Variants in PDE8B observed in about 807,000 individuals in gnomAD.
PDE8B encodes the protein phosphodiesterase 8B.
PDE8B carries 26 observed loss-of-function variants against 101.3 expected under a neutral mutation model. The ratio of observed to expected loss-of-function variants is 0.26; its 90% CI spans 0.19 to 0.36. The LOEUF is 0.36. PDE8B is among the 10% of genes least tolerant of loss of function. The probability of loss-of-function intolerance (pLI) is 1.00; values close to 1 mark genes in which losing one functional copy is unlikely to be tolerated. For synonymous variants in PDE8B, 424 were observed against 429.3 expected (o/e 0.99, Z 0.15); for missense variants, 810 against 1,163.1 (o/e 0.70, Z 4.42).
intron 1 of PDE8B, among the ~76,000 whole-genome samples, chr5:77,284,274 T>C (rs1471005862): frequency 6.6e-6 from 1 of 152,242 alleles, no homozygotes; most frequent in Non-Finnish European, 1.5e-5. Flanking sequence ...GTCTGTGATG[T>C]CTTCCCATTC....
the PDE8B span, chr5:77,151,507 G>A: frequency 6.6e-6 from 1 of 152,376 alleles, no homozygotes; most frequent in South Asian, 2.1e-4. Context: ...TATAAAAAGA[G>A]GTTCTTGGGA....
the PDE8B span, among the ~76,000 whole-genome samples, chr5:77,178,724 C>T: frequency 1.3e-5 from 2 of 152,158 alleles, no homozygotes; most frequent in Non-Finnish European, 2.9e-5. Flanking sequence ...TAAGATTACT[C>T]TGAAAGCGGC....
intron 9 of PDE8B, among the ~76,000 whole-genome samples, chr5:77,352,959 A>G (rs1781435975): frequency 6.6e-6 from 1 of 152,232 alleles, no homozygotes; most frequent in Admixed American, 6.5e-5. Context: ...CAGCCATGAA[A>G]TGTGGTCATT....
intron 6 of PDE8B, among the ~76,000 whole-genome samples, chr5:77,341,225 C>T (rs1779157992): frequency 6.6e-6 from 1 of 152,042 alleles, no homozygotes; most frequent in African/African-American, 2.4e-5. Context: ...AGGTTGAGAG[C>T]CTGAATAAAC....
chr5:77,127,134 G>T, the PDE8B span, among the ~76,000 whole-genome samples: 1 of 152,080 alleles, frequency 6.6e-6, no homozygotes, highest in Non-Finnish European at 1.5e-5. Context: ...GCTTATCCAG[G>T]TTCCTGCCTG....
Position 77,407,409 on chromosome 5 carries a change from G to C in PDE8B, c.1317G>C (p.Pro439=), listed in dbSNP as rs754763694. The C allele has an allele frequency of 1.2e-6, 2 of 1,613,936 alleles. No homozygotes were observed. Among genetic ancestry groups the C allele is most frequent in the Non-Finnish European group, 1.7e-6 (2 of 1,179,984 alleles). ...CAAGCCTGCAGAATCGTCGCTATCC[G>C]TCCATGGCGAGGATCCACTCCATGA... The part of the protein sequence containing the change: ...DAPSLQNRRY[P]SMARIHSMTI... Residue 439 remains proline (P), a synonymous_variant, in exon 13 of 22, where the codon CCG becomes CCC. Coordinates refer to ENST00000264917, the MANE Select transcript of PDE8B (RefSeq NM_003719.5).
chr5:77,295,670 T>C (rs138008569), intron 1 of PDE8B, among the ~76,000 whole-genome samples: 1 of 152,332 alleles, frequency 6.6e-6, no homozygotes, highest in East Asian at 1.9e-4. Context: ...TTTGTTTCCA[T>C]TGAGATTCTT....
At chr5:77,240,203 G>A (rs1279382348) in intron 1 of PDE8B, among the ~76,000 whole-genome samples, 1 of 152,158 alleles carries the variant, frequency 6.6e-6, no homozygotes, top group Non-Finnish European at 1.5e-5. Context: ...GCCCAGGCTG[G>A]AGTGCGGTGG....
chr5:77,361,333 A>G (rs546125535), intron 10 of PDE8B, among the ~76,000 whole-genome samples: 1 of 152,328 alleles, frequency 6.6e-6, no homozygotes, highest in Non-Finnish European at 1.5e-5. Flanking sequence ...AATGTTAATA[A>G]TACAAGATAA....
intron 10 of PDE8B, among the ~76,000 whole-genome samples, chr5:77,380,370 G>A (rs936503023): frequency 4.6e-5 from 7 of 152,166 alleles, no homozygotes; most frequent in Admixed American, 4.6e-4. Flanking sequence ...GAAGCTCAAG[G>A]AACCAAGTTA....
intron 10 of PDE8B, among the ~76,000 whole-genome samples, chr5:77,392,086 C>T (rs1271528027): frequency 6.6e-6 from 1 of 152,100 alleles, no homozygotes; most frequent in East Asian, 1.9e-4. Flanking sequence ...CACATTTTGA[C>T]AAGGATATCA....
At chr5:77,101,875 G>C in the PDE8B span, among the ~76,000 whole-genome samples, 1 of 152,266 alleles carries the variant, frequency 6.6e-6, no homozygotes, top group East Asian at 1.9e-4. Flanking sequence ...GTGGGGGAGA[G>C]ATGGGGAGTC....
At chr5:77,228,579 C>G (rs1463429885) in intron 1 of PDE8B, among the ~76,000 whole-genome samples, 2 of 152,026 alleles carry the variant, frequency 1.3e-5, no homozygotes, top group South Asian at 4.2e-4. Flanking sequence ...AGATTCCAAG[C>G]AGAGAGACTA....
At chr5:77,315,858 G>T (rs1339620235) in intron 2 of PDE8B, among the ~76,000 whole-genome samples, 1 of 152,052 alleles carries the variant, frequency 6.6e-6, no homozygotes, top group Non-Finnish European at 1.5e-5. Context: ...ATATTGCCAG[G>T]CCAGCTGCCT....
chr5:77,135,479 T>TA, the PDE8B span, among the ~76,000 whole-genome samples: 1 of 148,460 alleles, frequency 6.7e-6, no homozygotes. Context: ...AGGAATTTTT[T>TA]TTTTTTTTTT....
At chr5:77,225,823 C>T (rs377114592) in intron 1 of PDE8B, among the ~76,000 whole-genome samples, 82 of 150,878 alleles carry the variant, frequency 5.4e-4, no homozygotes, top group Non-Finnish European at 9.9e-4. Flanking sequence ...GATAATTCCT[C>T]ATTTGTTAGA....
intron 1 of PDE8B, among the ~76,000 whole-genome samples, chr5:77,299,648 A>C (rs1177972347): frequency 6.6e-6 from 1 of 151,976 alleles, no homozygotes; most frequent in African/African-American, 2.4e-5. Context: ...TATATATGCC[A>C]CATTTTCTTA....
intron 1 of PDE8B, among the ~76,000 whole-genome samples, chr5:77,260,157 C>CAAAAAAAAAAAAAAAAAGAAA (rs66923234): frequency 9.9e-6 from 1 of 100,978 alleles, no homozygotes; most frequent in African/African-American, 3.7e-5. Flanking sequence ...AACTCCATCA[C>CAAAAAAAAAAAAAAAAAGAAA]AAAAAAAAAA....
At chr5:77,386,865 CTTTTTTTTTT>C (rs59393259) in intron 10 of PDE8B, among the ~76,000 whole-genome samples, 11 of 51,080 alleles carry the variant, frequency 2.2e-4, no homozygotes, top group East Asian at 1.6e-3. Flanking sequence ...GATGTAGTTT[CTTTTTTTTTT>C]TTTTTTTTTT....
Sources: allele counts gnomAD v4.1 joint callset (sites outside exome capture counted in the v4.1 genomes callset), GRCh38; gene constraint gnomAD v4.1.1; transcripts MANE v1.5; gene names NCBI Gene and HGNC (gene_info 2026-07-23, HGNC 2026-07-21).